Variants in DCUN1D2 observed in about 807,000 individuals in gnomAD.
DCUN1D2 encodes the protein defective in cullin neddylation 1 domain containing 2.
In DCUN1D2, 29 loss-of-function variants were observed where a neutral mutation model predicts 30.9. That is an observed-to-expected ratio of 0.94 (90% CI 0.70 to 1.28). The LOEUF is 1.28. Among genes scored for constraint, DCUN1D2 ranks in the 50% most tolerant of loss-of-function variants. DCUN1D2 has a pLI of 0.00. For missense variants in DCUN1D2, 325 were observed against 316.9 expected, an observed-to-expected ratio of 1.03 and a Z score of -0.19; for synonymous variants, 121 against 115.3, an observed-to-expected ratio of 1.05 and a Z score of -0.32.
chr13:113,483,833 C>A lies in DCUN1D2; in HGVS notation c.220+7G>T. On this transcript the variant is annotated splice_region_variant and intron_variant, in intron 2 of 6. Transcript: ENST00000478244. ...ATCCGTCCGGCTTTGCTGCAGTCTCCTCTTACCTTTGTACCTGCCGTACAG... is the reference window on the plus strand; with the variant it reads ...ATCCGTCCGGCTTTGCTGCAGTCTCATCTTACCTTTGTACCTGCCGTACAG... The A allele has an allele frequency of 6.2e-7, 1 of 1,611,830 alleles. No individual in the cohort carries two copies. Among genetic ancestry groups the A allele is most frequent in the African/African-American group, 1.3e-5 (1 of 75,012 alleles).
intron 3 of DCUN1D2, 110 bp from the exon 4 acceptor site, chr13:113,474,364 G>A (rs1203173145): frequency 1.6e-5 from 23 of 1,432,418 alleles, no homozygotes; most frequent in Admixed American, 2.1e-5. Context: ...GCTGGAGACC[G>A]TATTTCCCAA....
At chr13:113,469,334 C>T (rs2044464442) in intron 4 of DCUN1D2, among the ~76,000 whole-genome samples, 1 of 152,156 alleles carries the variant, frequency 6.6e-6, no homozygotes, top group South Asian at 2.1e-4. Context: ...AAACAGTAGT[C>T]ACCCCTAGAA....
Position 113,456,140 on chromosome 13 carries a change from A to G in DCUN1D2, c.*1889T>C. 1 of 398,594 alleles carries G rather than the reference A, an allele frequency of 2.5e-6. No homozygotes were observed. Among genetic ancestry groups the G allele is most frequent in the East Asian group, 3.6e-5 (1 of 28,080 alleles). The allele number at this position is 398,594 out of a possible 1,614,324, so 24.7% of individuals were successfully genotyped here. Reference sequence around the variant, plus strand: ...TTAATGCCAGTTTTTATTGTATTAGACAAATGCTCTCTGAGAATCGAAGAC... The same window carrying G: ...TTAATGCCAGTTTTTATTGTATTAGGCAAATGCTCTCTGAGAATCGAAGAC... On this transcript the variant is annotated 3_prime_UTR_variant, in exon 7 of 7. Transcript: ENST00000478244.
chr13:113,480,189 A>C (rs940563999), intron 3 of DCUN1D2, among the ~76,000 whole-genome samples: 1 of 152,244 alleles, frequency 6.6e-6, no homozygotes, highest in African/African-American at 2.4e-5. Flanking sequence ...TTACAAGCAA[A>C]AACCAAAATG....
chr13:113,481,865 C>A (rs77710882), intron 2 of DCUN1D2, among the ~76,000 whole-genome samples: 846 of 111,310 alleles, frequency 7.6e-3, no homozygotes, highest in Middle Eastern at 0.01. Flanking sequence ...GCCTGGGTGA[C>A]AAAAAAAAAA....
At chr13:113,464,027 C>T (rs2044362227) in intron 4 of DCUN1D2, among the ~76,000 whole-genome samples, 1 of 152,186 alleles carries the variant, frequency 6.6e-6, no homozygotes, top group African/African-American at 2.4e-5. Flanking sequence ...CATAAAATTA[C>T]TCTTCTTGCT....
At position 113,456,584 on chromosome 13, in the gene DCUN1D2, T is replaced by A. The variant is rs1447147010; in HGVS notation, c.*1445A>T. On this transcript the variant is annotated 3_prime_UTR_variant, in exon 7 of 7. Coordinates refer to ENST00000478244, the MANE Select transcript of DCUN1D2 (RefSeq NM_001014283.2). ...GCAAGGCACGCCTGTGACATGAGAG[T>A]CTCGGCACGTGAGGTAGGGTCAACA... is the stretch of plus-strand genomic sequence containing the variant. The A allele has an allele frequency of 2.6e-6, 1 of 389,686 alleles. No homozygotes were observed. The highest frequency in any genetic ancestry group is 4.5e-6 in the Non-Finnish European group (1 of 220,934). The allele number at this position is 389,686 out of a possible 1,614,324, so 24.1% of individuals were successfully genotyped here. A position where few individuals can be genotyped will look rare whatever the true frequency, so the allele number is the denominator to read the frequency against.
Position 113,474,042 on chromosome 13 carries a change from G to A in DCUN1D2, c.520+82C>T, listed in dbSNP as rs576073758. ...CCAAAACCCAAAAACATTACAGTTG[G>A]CTGCACAAAAATCATGTTGCTCACG... is the stretch of plus-strand genomic sequence containing the variant. On this transcript the variant is annotated intron_variant, in intron 4 of 6. Coordinates refer to ENST00000478244, the MANE Select transcript of DCUN1D2 (RefSeq NM_001014283.2). 6.3e-5 allele frequency: 96 copies of A among 1,530,280 alleles called. 1 individual carries two copies. The South Asian group carries it at 1.1e-3, about 18-fold the overall frequency. The allele number at this position is 1,530,280 out of a possible 1,614,324, so 94.8% of individuals were successfully genotyped here. A position where few individuals can be genotyped will look rare whatever the true frequency, so the allele number is the denominator to read the frequency against.
chr13:113,469,786 C>T (rs1488710670), intron 4 of DCUN1D2, among the ~76,000 whole-genome samples: 2 of 148,132 alleles, frequency 1.4e-5, no homozygotes, highest in East Asian at 3.8e-4. Context: ...CTGCAGTGAG[C>T]TATGATCGCG....
chr13:113,457,725 C>T lies in DCUN1D2; in HGVS notation c.*304G>A. 1 of 244,992 alleles carries T rather than the reference C, an allele frequency of 4.1e-6. No individual in the cohort carries two copies. The highest frequency in any genetic ancestry group is 2.2e-5 in the African/African-American group (1 of 45,816). The allele number at this position is 244,992 out of a possible 1,614,324, so 15.2% of individuals were successfully genotyped here. On this transcript the variant is annotated 3_prime_UTR_variant, in exon 7 of 7. Coordinates refer to ENST00000478244, the MANE Select transcript of DCUN1D2 (RefSeq NM_001014283.2). ...CTACGCAGCATGCTCTGCGGTCCCA[C>T]AGGCGGCGCTATGGCTCTACCTTAG...
At chr13:113,486,002 TTAAC>T (rs2044796721) in intron 1 of DCUN1D2, among the ~76,000 whole-genome samples, 1 of 152,220 alleles carries the variant, frequency 6.6e-6, no homozygotes, top group Non-Finnish European at 1.5e-5. Context: ...TTATTGCTAA[TTAAC>T]TATAGAAATA....
intron 1 of DCUN1D2, among the ~76,000 whole-genome samples, chr13:113,484,406 C>T (rs1297388269): frequency 6.6e-6 from 1 of 152,186 alleles, no homozygotes; most frequent in Admixed American, 6.5e-5. Flanking sequence ...CCTTACGGCA[C>T]CAGCGGGGGT....
chr13:113,488,861 G>A lies in DCUN1D2; in HGVS notation c.3+1806C>T, dbSNP rs887941810. ...TTTTAAAGTGTGTACATGGGGTGGG[G>A]GGAAGGCATTTTCTAGGTTTCATTA... On this transcript the variant is annotated intron_variant, in intron 1 of 6. Transcript: ENST00000478244. The surrounding 1 kb of genome is among the most constrained non-coding windows in gnomAD (Gnocchi z 4.3). Among the ~76,000 whole-genome samples the A allele has an allele frequency of 2.0e-5, 3 of 152,146 alleles. No individual in the cohort carries two copies. Among genetic ancestry groups the A allele is most frequent in the Non-Finnish European group, 2.9e-5 (2 of 68,026 alleles).
In DCUN1D2 at chr13:113,461,124, G is replaced by A; in HGVS notation, c.533C>T (p.Ala178Val). Residue 178 changes from alanine (A) to valine (V), a missense_variant, in exon 5 of 7, where the codon GCT becomes GTT. By Grantham distance (64) the Ala-to-Val change is moderately conservative. Transcript: ENST00000478244. ...TAACACTAATTTCCAATACGCAACAGCCATTTCTAAGTCTGGTAAAAAGAA... is the reference window on the plus strand; with the variant it reads ...TAACACTAATTTCCAATACGCAACAACCATTTCTAAGTCTGGTAAAAAGAA... Reference protein sequence around the residue: ...PGQKGLDLEMAVAYWKLVLSG... With the variant: ...PGQKGLDLEMVVAYWKLVLSG... The A allele has an allele frequency of 6.2e-7, 1 of 1,607,186 alleles. No individual in the cohort carries two copies. Among genetic ancestry groups the A allele is most frequent in the Non-Finnish European group, 8.5e-7 (1 of 1,174,982 alleles).
At chr13:113,466,029 G>A (rs2044397697) in intron 4 of DCUN1D2, among the ~76,000 whole-genome samples, 2 of 152,108 alleles carry the variant, frequency 1.3e-5, no homozygotes. Context: ...GGGACTACAG[G>A]TGTGTGCCAC....
intron 3 of DCUN1D2, chr13:113,475,481 T>C (rs1392607174): frequency 6.6e-6 from 1 of 152,308 alleles, no homozygotes; most frequent in African/African-American, 2.4e-5. Context: ...CACTCTGTGA[T>C]ATCTGCACAG....
intron 3 of DCUN1D2, chr13:113,475,565 G>A (rs1185994129): frequency 6.6e-6 from 1 of 152,292 alleles, no homozygotes; most frequent in African/African-American, 2.4e-5. Context: ...CTGCAGATGA[G>A]GGTGAGCGTA....
rs142404412 is a variant in DCUN1D2, at chr13:113,488,196, C to G, written c.3+2471G>C. Among the ~76,000 whole-genome samples, 2 of 152,324 alleles carry G rather than the reference C, an allele frequency of 1.3e-5. No homozygotes were observed. The highest frequency in any genetic ancestry group is 3.9e-4 in the East Asian group (2 of 5,188). Reference sequence around the variant, plus strand: ...GGACAGAAGTCGGTATCCAGAAACACGAAGAGCCCCCTGCAATCTACTCAA... The same window carrying G: ...GGACAGAAGTCGGTATCCAGAAACAGGAAGAGCCCCCTGCAATCTACTCAA... On this transcript the variant is annotated intron_variant, in intron 1 of 6. Transcript: ENST00000478244. This position sits in a 1 kb window ranked among gnomAD's most constrained non-coding sequence, Gnocchi z 4.3.
intron 4 of DCUN1D2, among the ~76,000 whole-genome samples, chr13:113,473,231 C>T (rs552791276): frequency 1.2e-4 from 19 of 152,110 alleles, no homozygotes; most frequent in African/African-American, 3.4e-4. Flanking sequence ...CCTTCTGCCC[C>T]GTGCCTCTGC....
Sources: gnomAD v4.1 joint callset for allele counts (sites outside exome capture counted in the v4.1 genomes callset) on GRCh38, gnomAD v4.1.1 for gene constraint, Gnocchi (gnomAD v3.1) non-coding constraint, MANE v1.5 for transcripts, NCBI Gene and HGNC (gene_info 2026-07-23, HGNC 2026-07-21) for gene names.